Variants in RAB26 observed in about 807,000 individuals in gnomAD.
RAB26 encodes ras-related protein Rab-26.
RAB26 carries 39 observed loss-of-function variants against 33.1 expected under a neutral mutation model. The ratio of observed to expected loss-of-function variants is 1.18; its 90% CI spans 0.91 to 1.54. The LOEUF is 1.54. Among genes scored for constraint, RAB26 ranks in the 40% most tolerant of loss-of-function variants. RAB26 has a pLI of 0.00. For synonymous variants in RAB26, 192 were observed against 151.9 expected (o/e 1.26, Z -1.94); for missense variants, 468 against 362.9 (o/e 1.29, Z -2.35).
chr16:2,149,914 T>TC (rs2092999115), intron 1 of RAB26, 27 bp from the exon 2 acceptor site: 7 of 1,487,396 alleles, frequency 4.7e-6, no homozygotes, highest in Non-Finnish European at 6.3e-6. Context: ...CAGACCAGAC[T>TC]CCCCCCAACC....
chr16:2,151,762 G>GGTACC lies in RAB26; in HGVS notation c.415+1_415+2insGTACC. 6.2e-7 allele frequency: 1 copy of GGTACC among 1,613,978 alleles called. No individual in the cohort carries two copies. Among genetic ancestry groups the GGTACC allele is most frequent in the Non-Finnish European group, 8.5e-7 (1 of 1,180,020 alleles). On this transcript the variant is annotated splice_donor_variant, in intron 4 of 8. Coordinates refer to ENST00000210187, the MANE Select transcript of RAB26 (RefSeq NM_014353.5). LOFTEE classifies it high-confidence loss of function. Reference sequence around the variant, plus strand: ...CATGCCTACTACCGGGATGCTCATGGTGAGCCCCTGGGTACCTGGGCTGGT... The same window carrying GGTACC: ...CATGCCTACTACCGGGATGCTCATGGGTACCTGAGCCCCTGGGTACCTGGGCTGGT...
intron 1 of RAB26, 108 bp from the exon 2 acceptor site, chr16:2,149,833 G>A (rs2092998817): frequency 2.5e-6 from 2 of 794,514 alleles, no homozygotes; most frequent in Non-Finnish European, 3.8e-6. Flanking sequence ...CGCTGAGCCT[G>A]CAGGCCTGGG....
intron 7 of RAB26, 35 bp downstream of exon 7, chr16:2,153,080 C>T: frequency 1.1e-5 from 17 of 1,612,756 alleles, no homozygotes; most frequent in Non-Finnish European, 1.4e-5. Context: ...AGGGGGTGCC[C>T]CTGGAGGCTG....
Position 2,150,575 on chromosome 16 carries a change from G to A in RAB26, c.306+524G>A, listed in dbSNP as rs184192115. ...CTTTAATTAGAGCCAGTTAGAGGGA[G>A]GATGGAGGAAGGGCTGTTCCAGGGA... On this transcript the variant is annotated intron_variant, in intron 2 of 8. Transcript: ENST00000210187. Among the ~76,000 whole-genome samples the A allele has an allele frequency of 1.2e-4, 19 of 152,178 alleles. No homozygotes were observed. In the East Asian group the frequency reaches 2.3e-3, roughly 19 times the overall value.
In RAB26 at chr16:2,151,693, A is replaced by C; in HGVS notation, c.349-2A>C. 1.2e-6 allele frequency: 2 copies of C among 1,614,004 alleles called. No homozygotes were observed. Among genetic ancestry groups the C allele is most frequent in the Non-Finnish European group, 1.7e-6 (2 of 1,180,002 alleles). On this transcript the variant is annotated splice_acceptor_variant, in intron 3 of 8. Coordinates refer to ENST00000210187, the MANE Select transcript of RAB26 (RefSeq NM_014353.5). LOFTEE classifies it high-confidence loss of function. ...CAGCCTGACCAGTGCCTGTCGCTGC[A>C]GATGTGGGACACAGCTGGTCAGGAG...
intron 1 of RAB26, among the ~76,000 whole-genome samples, chr16:2,149,696 G>A (rs948771224): frequency 3.3e-5 from 5 of 152,200 alleles, no homozygotes; most frequent in Non-Finnish European, 7.3e-5. Flanking sequence ...ACGTTAGGGA[G>A]GGTCCGGGAT....
In RAB26 at chr16:2,148,707, G is replaced by T; in HGVS notation, c.-77G>T. The stretch of plus-strand genomic sequence containing the variant: ...CAGGGGAAGGGTTCGGGTCCGGGTC[G>T]GGCTCGGCGGGCGCGGGGTGCGGGA... On this transcript the variant is annotated 5_prime_UTR_variant, in exon 1 of 9. Coordinates refer to ENST00000210187, the MANE Select transcript of RAB26 (RefSeq NM_014353.5). 8.4e-7 allele frequency: 1 copy of T among 1,183,608 alleles called. No homozygotes were observed. Among genetic ancestry groups the T allele is most frequent in the Non-Finnish European group, 1.1e-6 (1 of 951,032 alleles). 73.3% of individuals were successfully genotyped at this position (1,183,608 alleles called of 1,614,324 possible). A position where few individuals can be genotyped will look rare whatever the true frequency, so the allele number is the denominator to read the frequency against.
chr16:2,153,700 C>T lies in RAB26; in HGVS notation c.*279C>T. 1.6e-6 allele frequency: 1 copy of T among 608,172 alleles called. No homozygotes were observed. Among genetic ancestry groups the T allele is most frequent in the Non-Finnish European group, 3.1e-6 (1 of 325,768 alleles). The allele number at this position is 608,172 out of a possible 1,614,324, so 37.7% of individuals were successfully genotyped here. On this transcript the variant is annotated 3_prime_UTR_variant, in exon 9 of 9. Transcript: ENST00000210187. ...CAGACTTTGCCACGGTGCTCTGCTG[C>T]CCCCTCCTGGGCACGTCCAGGTGAG...
intron 6 of RAB26, 21 bp from the exon 7 acceptor site, chr16:2,152,968 A>G (rs1157499400): frequency 1.3e-6 from 2 of 1,583,872 alleles, no homozygotes; most frequent in East Asian, 2.3e-5. Context: ...AGCTTTCACC[A>G]AGACCCTGTG....
chr16:2,148,268 C>G (rs1423342432), upstream of RAB26: 8 of 152,430 alleles, frequency 5.2e-5, no homozygotes, highest in Non-Finnish European at 1.0e-4. Context: ...CCGCGGTGCC[C>G]GTCCATGCGG....
chr16:2,150,339 G>A (rs1241884893), intron 2 of RAB26, among the ~76,000 whole-genome samples: 1 of 152,208 alleles, frequency 6.6e-6, no homozygotes, highest in African/African-American at 2.4e-5. Context: ...TCCACTTGGG[G>A]CCAGCAGTGC....
Position 2,151,706 on chromosome 16 carries a change from A to T in RAB26, c.360A>T (p.Thr120=). The change falls in exon 4 of 9, where the codon ACA becomes ACT. Residue 120 remains threonine, a synonymous_variant. Transcript: ENST00000210187. ...GVKVKLQMWD[T]AGQERFRSVT... is the part of the protein sequence containing the mutation. ...GCCTGTCGCTGCAGATGTGGGACAC[A>T]GCTGGTCAGGAGCGGTTCCGCAGTG... is the stretch of plus-strand genomic sequence containing the variant. The T allele has an allele frequency of 6.2e-7, 1 of 1,613,996 alleles. No homozygotes were observed. Among genetic ancestry groups the T allele is most frequent in the Non-Finnish European group, 8.5e-7 (1 of 1,180,028 alleles).
At position 2,148,813 on chromosome 16, in the gene RAB26, A is replaced by C; in HGVS notation, c.30A>C (p.Lys10Asn). 1 of 1,404,702 alleles carries C rather than the reference A, an allele frequency of 7.1e-7. No individual in the cohort carries two copies. The highest frequency in any genetic ancestry group is 1.6e-5 in the South Asian group (1 of 61,810). The allele number at this position is 1,404,702 out of a possible 1,614,324, so 87.0% of individuals were successfully genotyped here. ...CCAGGAAGAAGACCCCCAAGAGCAAAGGGGCCAGCACCCCCGCTGCCTCCA... is the reference window on the plus strand; with the variant it reads ...CCAGGAAGAAGACCCCCAAGAGCAACGGGGCCAGCACCCCCGCTGCCTCCA... MSRKKTPKS[K>N]GASTPAASTL... Residue 10 changes from lysine (K) to asparagine (N), a missense_variant, in exon 1 of 9, where the codon AAA becomes AAC. Coordinates refer to ENST00000210187, the MANE Select transcript of RAB26 (RefSeq NM_014353.5).
chr16:2,148,817 G>A lies in RAB26; in HGVS notation c.34G>A (p.Ala12Thr), dbSNP rs2092994800. The change falls in exon 1 of 9, where the codon GCC becomes ACC. Residue 12 changes from alanine (A) to threonine (T), a missense_variant. Transcript: ENST00000210187. ...GAAGAAGACCCCCAAGAGCAAAGGG[G>A]CCAGCACCCCCGCTGCCTCCACGCT... is the stretch of plus-strand genomic sequence containing the variant. ...SRKKTPKSKG[A>T]STPAASTLPT... 7.1e-7 allele frequency: 1 copy of A among 1,414,130 alleles called. No homozygotes were observed. Among genetic ancestry groups the A allele is most frequent in the Non-Finnish European group, 9.2e-7 (1 of 1,085,648 alleles). The allele number at this position is 1,414,130 out of a possible 1,614,324, so 87.6% of individuals were successfully genotyped here.
intron 5 of RAB26, 131 bp downstream of exon 5, chr16:2,152,039 G>C: frequency 7.6e-7 from 1 of 1,324,014 alleles, no homozygotes; most frequent in South Asian, 1.3e-5. Context: ...ACAGCCTTCT[G>C]GGCTGGAGGT....
chr16:2,153,564 C>G lies in RAB26; in HGVS notation c.*143C>G. On this transcript the variant is annotated 3_prime_UTR_variant, in exon 9 of 9. Transcript: ENST00000210187. ...AGGAGCCCCAGGTCAAGCCTTGTCC[C>G]TTCCTCCTCCCAGCAACAGTCCCAA... The G allele has an allele frequency of 1.3e-6, 1 of 741,810 alleles. No individual in the cohort carries two copies. The highest frequency in any genetic ancestry group is 2.2e-6 in the Non-Finnish European group (1 of 446,044). 46.0% of individuals were successfully genotyped at this position (741,810 alleles called of 1,614,324 possible).
In RAB26 at chr16:2,148,719, C is replaced by G. The variant is rs1352454390; in HGVS notation, c.-65C>G. The G allele has an allele frequency of 8.3e-7, 1 of 1,199,970 alleles. No homozygotes were observed. Among genetic ancestry groups the G allele is most frequent in the Non-Finnish European group, 1.0e-6 (1 of 964,252 alleles). 74.3% of individuals were successfully genotyped at this position (1,199,970 alleles called of 1,614,324 possible). ...TCGGGTCCGGGTCGGGCTCGGCGGG[C>G]GCGGGGTGCGGGACGGCCCAGGGCA... is the stretch of plus-strand genomic sequence containing the variant. On this transcript the variant is annotated 5_prime_UTR_variant, in exon 1 of 9. Transcript: ENST00000210187.
chr16:2,150,610 G>C (rs1326306687), intron 2 of RAB26, among the ~76,000 whole-genome samples: 2 of 152,238 alleles, frequency 1.3e-5, no homozygotes, highest in African/African-American at 4.8e-5. Context: ...ACAGGAAAAG[G>C]GGCTCCCTCC....
chr16:2,149,369 C>T (rs1477351108), intron 1 of RAB26, among the ~76,000 whole-genome samples: 3 of 147,050 alleles, frequency 2.0e-5, no homozygotes, highest in Non-Finnish European at 4.5e-5. Flanking sequence ...AACCCTGGGA[C>T]TCCAGACCAA....
Sources: gnomAD v4.1 joint callset for allele counts (sites outside exome capture counted in the v4.1 genomes callset) on GRCh38, gnomAD v4.1.1 for gene constraint, MANE v1.5 for transcripts, NCBI Gene and HGNC (gene_info 2026-07-23, HGNC 2026-07-21) for gene names.